The following RPTOR variants were observed in gnomAD, a reference collection of about 807,000 sequenced individuals.
RPTOR encodes the protein regulatory associated protein of MTOR complex 1, also known as regulatory-associated protein of mTOR.
In RPTOR, 21 loss-of-function variants were observed where a neutral mutation model predicts 169.9. The ratio of observed to expected loss-of-function variants is 0.12; its 90% confidence interval spans 0.09 to 0.18. RPTOR has a LOEUF of 0.18. RPTOR is among the 10% of genes least tolerant of loss of function. The pLI is 1.00. For missense variants in RPTOR, 1,133 were observed against 1,855.9 expected (o/e 0.61, Z 7.16); for synonymous variants, 732 against 753.2 (o/e 0.97, Z 0.46).
In RPTOR at chr17:80,963,275, G is replaced by T. The variant is rs146604821; in HGVS notation, c.3939+218G>T. Among the ~76,000 whole-genome samples the T allele has an allele frequency of 5.3e-3, 806 of 152,180 alleles. 10 individuals carry two copies. Among genetic ancestry groups the T allele is most frequent in the South Asian group, 0.027 (131 of 4,834 alleles). The stretch of plus-strand genomic sequence containing the variant: ...GCAGAGCCCCAGTCCCGTCACTCCG[G>T]GAGGAATTGACACACAGTGGCTGGG... On this transcript the variant is annotated intron_variant, in intron 33 of 33. Transcript: ENST00000306801.
At chr17:80,892,460 C>T (rs890496353) in intron 18 of RPTOR, among the ~76,000 whole-genome samples, 4 of 152,222 alleles carry the variant, frequency 2.6e-5, no homozygotes, top group Non-Finnish European at 5.9e-5. Flanking sequence ...CGTGTGCACT[C>T]GGACAGGCCG....
At chr17:80,616,992 A>G (rs79641221) in intron 1 of RPTOR, among the ~76,000 whole-genome samples, 13,292 of 152,234 alleles carry the variant, frequency 0.087, 678 homozygotes, top group East Asian at 0.21. Flanking sequence ...TCTTCAGGGT[A>G]TAAAAACAGT....
In RPTOR at chr17:80,940,596, A is replaced by G; in HGVS notation, c.3020A>G (p.Gln1007Arg). 6.2e-7 allele frequency: 1 copy of G among 1,608,992 alleles called. No individual in the cohort carries two copies. Among genetic ancestry groups the G allele is most frequent in the South Asian group, 1.1e-5 (1 of 90,082 alleles). The change falls in exon 25 of 34, where the codon CAG becomes CGG. Residue 1007 changes from glutamine (Q) to arginine (R), a missense_variant. Around this residue, in one of 9 missense-constraint regions of RPTOR, gnomAD observed 410 missense variants for 623.7 expected, o/e 0.66. Coordinates refer to ENST00000306801, the MANE Select transcript of RPTOR (RefSeq NM_020761.3). ...AGGAGGCAGGCCCAGCAAGTCATTC[A>G]GAAGGGTAAGGGCACCCGCACAGCC... ...RVRRQAQQVI[Q>R]KGITRLDDQI... is the part of the protein sequence containing the mutation.
intron 24 of RPTOR, among the ~76,000 whole-genome samples, chr17:80,930,121 C>T (rs1390784224): frequency 6.9e-6 from 1 of 144,306 alleles, no homozygotes; most frequent in Non-Finnish European, 1.5e-5. Flanking sequence ...ATCCTCAACT[C>T]ATCCCCAGCT....
chr17:80,966,222 C>T lies in RPTOR; in HGVS notation c.*1892C>T, dbSNP rs964202369. On this transcript the variant is annotated 3_prime_UTR_variant, in exon 34 of 34. Coordinates refer to ENST00000306801, the MANE Select transcript of RPTOR (RefSeq NM_020761.3). Reference sequence around the variant, plus strand: ...GTCTGATGTGAAAATTCAATCACGACGTTAACCGGCTCGAGAGAGCGCCGG... The same window carrying T: ...GTCTGATGTGAAAATTCAATCACGATGTTAACCGGCTCGAGAGAGCGCCGG... 1.3e-5 allele frequency: 3 copies of T among 229,146 alleles called. No homozygotes were observed. The highest frequency in any genetic ancestry group is 2.6e-5 in the Non-Finnish European group (3 of 116,042). The allele number at this position is 229,146 out of a possible 1,614,324, so 14.2% of individuals were successfully genotyped here. A position where few individuals can be genotyped will look rare whatever the true frequency, so the allele number is the denominator to read the frequency against.
chr17:80,545,322 C>T lies in RPTOR; in HGVS notation c.-308C>T, dbSNP rs8075710. 0.058 allele frequency: 16,155 copies of T among 278,100 alleles called. 2,511 individuals carry two copies. The highest frequency in any genetic ancestry group is 0.32 in the African/African-American group (14,978 of 46,576). 17.2% of individuals were successfully genotyped at this position (278,100 alleles called of 1,614,324 possible). A position where few individuals can be genotyped will look rare whatever the true frequency, so the allele number is the denominator to read the frequency against. On this transcript the variant is annotated 5_prime_UTR_variant, in exon 1 of 34. Coordinates refer to ENST00000306801, the MANE Select transcript of RPTOR (RefSeq NM_020761.3). ...CTCTTACGCTTTTGGCAGCTCCCCT[C>T]GCAGCCCCTCTGGAAACGTACAGCC...
At chr17:80,784,454 C>T (rs866295598) in intron 6 of RPTOR, among the ~76,000 whole-genome samples, 1 of 151,974 alleles carries the variant, frequency 6.6e-6, no homozygotes, top group African/African-American at 2.4e-5. Flanking sequence ...TGCAATGGCA[C>T]GAACTCAGCT....
In RPTOR at chr17:80,884,145, G is replaced by GGA. The variant is rs576540532; in HGVS notation, c.1842+174_1842+175dup. Reference sequence around the variant, plus strand: ...GGTGAGAAGAGAACCACACCACTGGGGATTTTGCACCCAGGCCCAGAGTGC... The same window carrying GGA: ...GGTGAGAAGAGAACCACACCACTGGGGAGATTTTGCACCCAGGCCCAGAGTGC... On this transcript the variant is annotated intron_variant, in intron 16 of 33. Transcript: ENST00000306801. Among the ~76,000 whole-genome samples, 278 of 152,350 alleles carry GGA rather than the reference G, an allele frequency of 1.8e-3. 1 individual carries two copies. Among genetic ancestry groups the GGA allele is most frequent in the African/African-American group, 6.5e-3 (269 of 41,588 alleles).
chr17:80,854,480 T>C (rs925988583), intron 11 of RPTOR, among the ~76,000 whole-genome samples: 1 of 152,216 alleles, frequency 6.6e-6, no homozygotes, highest in African/African-American at 2.4e-5. Context: ...GGTCATTTGG[T>C]AACTTAAGTA....
intron 7 of RPTOR, among the ~76,000 whole-genome samples, chr17:80,819,298 C>T (rs2067355721): frequency 6.6e-6 from 1 of 152,190 alleles, no homozygotes; most frequent in Non-Finnish European, 1.5e-5. Flanking sequence ...TCCCCATGAT[C>T]GCATTTTGAG....
chr17:80,700,773 TA>T (rs2066091706), intron 3 of RPTOR, among the ~76,000 whole-genome samples: 1 of 111,164 alleles, frequency 9.0e-6, no homozygotes, highest in Non-Finnish European at 1.9e-5. Flanking sequence ...ATGGTGATGG[TA>T]GAGATGATGA....
intron 6 of RPTOR, among the ~76,000 whole-genome samples, chr17:80,756,310 C>T (rs2066680698): frequency 6.6e-6 from 1 of 152,172 alleles, no homozygotes; most frequent in Non-Finnish European, 1.5e-5. Context: ...TGACCTTGGA[C>T]CTCCCAGTCT....
At chr17:80,719,662 A>AAG (rs969599484) in intron 4 of RPTOR, among the ~76,000 whole-genome samples, 5 of 152,086 alleles carry the variant, frequency 3.3e-5, no homozygotes. Context: ...CCTCCTCCTG[A>AAG]AGGGGGTTCT....
chr17:80,714,303 G>A (rs1014164303), intron 4 of RPTOR, among the ~76,000 whole-genome samples: 11 of 152,178 alleles, frequency 7.2e-5, no homozygotes, highest in African/African-American at 2.4e-4. Context: ...CTAGTCCAAA[G>A]CAAAAGCCAG....
chr17:80,621,052 G>A (rs1370303404), intron 1 of RPTOR, among the ~76,000 whole-genome samples: 1 of 152,176 alleles, frequency 6.6e-6, no homozygotes, highest in African/African-American at 2.4e-5. Flanking sequence ...TTTATTTCTT[G>A]TCTTCATTCT....
intron 1 of RPTOR, among the ~76,000 whole-genome samples, chr17:80,549,995 A>G (rs2084325117): frequency 6.6e-6 from 1 of 152,236 alleles, no homozygotes; most frequent in Non-Finnish European, 1.5e-5. Context: ...ATTGCTCTGT[A>G]GCCATACTTT....
In RPTOR at chr17:80,947,312, C is replaced by T; in HGVS notation, c.3226C>T (p.Leu1076=). 6.2e-7 allele frequency: 1 copy of T among 1,603,906 alleles called. No homozygotes were observed. Among genetic ancestry groups the T allele is most frequent in the East Asian group, 2.3e-5 (1 of 43,964 alleles). The change falls in exon 27 of 34, where the codon CTG becomes TTG. Residue 1076 remains leucine (L), a synonymous_variant. Transcript: ENST00000306801. The surrounding 1 kb of genome is among the most constrained non-coding windows in gnomAD (Gnocchi z 4.4). ...RYTRVTAMEY[L]NGQDCSLLLT... is the part of the protein sequence containing the mutation. ...CACGAGGGTCACTGCCATGGAGTAT[C>T]TGAACGGCCAGGACTGCTCGCTTCT...
In RPTOR at chr17:80,646,549, A is replaced by G. The variant is rs2065597615; in HGVS notation, c.348+2739A>G. Reference sequence around the variant, plus strand: ...AACAGGAGGCACTTAGCAAACTCAGATGTTTGTGTGCAAGGGGCCTGGTTC... The same window carrying G: ...AACAGGAGGCACTTAGCAAACTCAGGTGTTTGTGTGCAAGGGGCCTGGTTC... On this transcript the variant is annotated intron_variant, in intron 3 of 33. Transcript: ENST00000306801. The surrounding 1 kb of genome is among the most constrained non-coding windows in gnomAD (Gnocchi z 5.0). 6.6e-6 allele frequency among the ~76,000 whole-genome samples: 1 copy of G among 152,180 alleles called. No homozygotes were observed. The highest frequency in any genetic ancestry group is 6.5e-5 in the Admixed American group (1 of 15,282).
chr17:80,932,600 C>T (rs2068911339), intron 24 of RPTOR, among the ~76,000 whole-genome samples: 1 of 152,118 alleles, frequency 6.6e-6, no homozygotes, highest in South Asian at 2.1e-4. Flanking sequence ...AGAGGCCTAT[C>T]TGTGACCTCA....
Sources: gnomAD v4.1 joint callset for allele counts (sites outside exome capture counted in the v4.1 genomes callset) on GRCh38, gnomAD v4.1.1 for gene constraint, gnomAD v4.1.1 regional missense constraint, Gnocchi (gnomAD v3.1) non-coding constraint, MANE v1.5 for transcripts, NCBI Gene and HGNC (gene_info 2026-07-23, HGNC 2026-07-21) for gene names.